Variants in AK5 observed in about 807,000 individuals in gnomAD.
AK5 encodes adenylate kinase 5, also known as adenylate kinase isoenzyme 5.
A neutral mutation model predicts 69.5 loss-of-function variants in AK5; 27 were observed. The observed-to-expected ratio is 0.39, with a 90% CI of 0.29 to 0.54. The LOEUF (loss-of-function observed/expected upper bound fraction) is 0.54, where lower values mean the gene tolerates loss of function less well. Ranked by LOEUF, AK5 falls within the 20% of genes least tolerant of loss-of-function variation. The pLI is 0.71. For synonymous variants in AK5, 260 were observed against 244.4 expected (o/e 1.06, Z -0.60); for missense variants, 531 against 700.4 (o/e 0.76, Z 2.73).
chr1:77,459,772 A>G (rs964652732), intron 8 of AK5, among the ~76,000 whole-genome samples: 3 of 152,206 alleles, frequency 2.0e-5, no homozygotes, highest in Non-Finnish European at 4.4e-5. Flanking sequence ...TATCATTATT[A>G]TCATGACCAA....
Position 77,480,368 on chromosome 1 carries a change from C to A in AK5, c.1060-2949C>A, listed in dbSNP as rs116759924. ...AATTAATGAAAATAAAGCTGGGGCT[C>A]ATGTGAAACATTTGAGCAAGTGTAA... On this transcript the variant is annotated intron_variant, in intron 8 of 13. Coordinates refer to ENST00000354567, the MANE Select transcript of AK5 (RefSeq NM_174858.3). 9.2e-3 allele frequency among the ~76,000 whole-genome samples: 1,405 copies of A among 152,222 alleles called. 9 individuals carry two copies. Among genetic ancestry groups the A allele is most frequent in the South Asian group, 0.014 (69 of 4,820 alleles).
intron 6 of AK5, among the ~76,000 whole-genome samples, chr1:77,394,680 T>A (rs1350374621): frequency 6.6e-6 from 1 of 152,198 alleles, no homozygotes. Context: ...CACACAGTAA[T>A]GTCACTTTCT....
chr1:77,414,556 G>A (rs1216651348), intron 7 of AK5, among the ~76,000 whole-genome samples: 9 of 152,172 alleles, frequency 5.9e-5, no homozygotes, highest in Non-Finnish European at 1.2e-4. Context: ...AATTTAAGGA[G>A]CCAACCTGAA....
intron 6 of AK5, among the ~76,000 whole-genome samples, chr1:77,372,882 C>T (rs1647147910): frequency 6.6e-6 from 1 of 152,066 alleles, no homozygotes. Flanking sequence ...AGTGACAAAT[C>T]CCACATAAAC....
At chr1:77,522,532 G>A (rs564010438) in intron 12 of AK5, among the ~76,000 whole-genome samples, 3 of 151,098 alleles carry the variant, frequency 2.0e-5, no homozygotes, top group South Asian at 2.1e-4. Flanking sequence ...ACAAGAAGAC[G>A]GGGGAATGGG....
At chr1:77,521,075 T>A (rs1657953006) in intron 11 of AK5, among the ~76,000 whole-genome samples, 1 of 152,248 alleles carries the variant, frequency 6.6e-6, no homozygotes, top group Non-Finnish European at 1.5e-5. Flanking sequence ...CCTAAAGTCT[T>A]TTAAGTCAGT....
At chr1:77,349,863 GC>G (rs796681275) in intron 6 of AK5, among the ~76,000 whole-genome samples, 76 of 152,248 alleles carry the variant, frequency 5.0e-4, no homozygotes, top group African/African-American at 1.8e-3. Context: ...TCTGGGACAG[GC>G]AAAGCACTGT....
intron 7 of AK5, among the ~76,000 whole-genome samples, chr1:77,413,050 A>C (rs1650150999): frequency 6.6e-6 from 1 of 151,994 alleles, no homozygotes; most frequent in African/African-American, 2.4e-5. Flanking sequence ...TCTGAAAAAA[A>C]AACAAAACAA....
At chr1:77,458,830 G>C (rs1211306693) in intron 8 of AK5, among the ~76,000 whole-genome samples, 2 of 152,252 alleles carry the variant, frequency 1.3e-5, no homozygotes, top group East Asian at 3.9e-4. Context: ...CAGCTTCTGG[G>C]GATTAATACA....
chr1:77,440,298 C>T (rs1227020433), intron 8 of AK5, among the ~76,000 whole-genome samples: 1 of 152,188 alleles, frequency 6.6e-6, no homozygotes, highest in Non-Finnish European at 1.5e-5. Flanking sequence ...TATGTCATCT[C>T]ATTTTCTTCT....
At chr1:77,548,536 G>A (rs1222109496) in intron 13 of AK5, among the ~76,000 whole-genome samples, 3 of 152,146 alleles carry the variant, frequency 2.0e-5, no homozygotes, top group South Asian at 2.1e-4. Context: ...CACACAGACC[G>A]TGATCCTAAA....
chr1:77,403,357 A>G (rs1649374429), intron 6 of AK5, among the ~76,000 whole-genome samples: 2 of 152,026 alleles, frequency 1.3e-5, no homozygotes, highest in Admixed American at 6.6e-5. Flanking sequence ...TGTTTTAGTC[A>G]TGAAGTCCTT....
At chr1:77,364,335 G>A (rs1646914688) in intron 6 of AK5, among the ~76,000 whole-genome samples, 1 of 152,118 alleles carries the variant, frequency 6.6e-6, no homozygotes, top group Non-Finnish European at 1.5e-5. Context: ...GGGTAATTGG[G>A]TTTTCTGTCA....
At chr1:77,300,882 TACA>T (rs1659303225) in intron 5 of AK5, among the ~76,000 whole-genome samples, 1 of 152,174 alleles carries the variant, frequency 6.6e-6, no homozygotes, top group Admixed American at 6.5e-5. Context: ...TCATAAAGGA[TACA>T]ACTATATTTT....
chr1:77,484,678 AT>A (rs1341478480), intron 9 of AK5, among the ~76,000 whole-genome samples: 1 of 152,180 alleles, frequency 6.6e-6, no homozygotes, highest in Non-Finnish European at 1.5e-5. Flanking sequence ...TACTATAGAA[AT>A]TTTTTAACGT....
intron 13 of AK5, among the ~76,000 whole-genome samples, chr1:77,551,910 A>G (rs1468769951): frequency 6.6e-6 from 1 of 152,184 alleles, no homozygotes; most frequent in Non-Finnish European, 1.5e-5. Flanking sequence ...TACACTGAGT[A>G]ATGACCTCGT....
At chr1:77,505,978 G>A (rs992290806) in intron 10 of AK5, among the ~76,000 whole-genome samples, 4 of 152,132 alleles carry the variant, frequency 2.6e-5, no homozygotes, top group Admixed American at 1.3e-4. Flanking sequence ...ATATGCCTAA[G>A]ACCTAGTACA....
chr1:77,527,826 G>A (rs560003140), intron 12 of AK5, among the ~76,000 whole-genome samples: 2 of 152,342 alleles, frequency 1.3e-5, no homozygotes, highest in East Asian at 1.9e-4. Context: ...TTGGGAGGCC[G>A]AGGCGGGCAG....
chr1:77,518,112 C>G (rs1452013396), intron 10 of AK5, among the ~76,000 whole-genome samples: 1 of 152,160 alleles, frequency 6.6e-6, no homozygotes, highest in Non-Finnish European at 1.5e-5. Context: ...TAAAAGCTAG[C>G]ATTTGTTGAG....
Sources: gnomAD v4.1 joint callset for allele counts (sites outside exome capture counted in the v4.1 genomes callset) on GRCh38, gnomAD v4.1.1 for gene constraint, MANE v1.5 for transcripts, NCBI Gene and HGNC (gene_info 2026-07-23, HGNC 2026-07-21) for gene names.